The following MXI1 variants were observed in gnomAD, a reference collection of about 807,000 sequenced individuals.
MXI1 encodes the protein MAX interactor 1, dimerization protein.
In MXI1, 18 loss-of-function variants were observed where a neutral mutation model predicts 36.9. That is an observed-to-expected ratio of 0.49 (90% CI 0.34 to 0.72). MXI1 has a LOEUF of 0.72. MXI1 is among the 30% of genes least tolerant of loss of function. MXI1 has a pLI of 0.01. For synonymous variants in MXI1, 160 were observed against 146.7 expected, an observed-to-expected ratio of 1.09 and a Z score of -0.65; for missense variants, 304 against 379.1, an observed-to-expected ratio of 0.80 and a Z score of 1.64.
rs2068052 is a variant in MXI1 at position 110,276,416 on chromosome 10, A to T, written c.438-2764A>T. Among the ~76,000 whole-genome samples, 4 of 152,306 alleles carry T rather than the reference A, an allele frequency of 2.6e-5. No homozygotes were observed. In the South Asian group the frequency reaches 8.3e-4, roughly 32 times the overall value. On this transcript the variant is annotated intron_variant, in intron 3 of 5. Coordinates refer to ENST00000332674, the MANE Select transcript of MXI1 (RefSeq NM_130439.3). Reference sequence around the variant, plus strand: ...TTACCTAGCAAATCCTCACTTTTTCATAGACAAATTCAATATTCTTTAAGT... The same window carrying T: ...TTACCTAGCAAATCCTCACTTTTTCTTAGACAAATTCAATATTCTTTAAGT...
In MXI1 at chr10:110,286,743, A is replaced by G. The variant is rs1344358647; in HGVS notation, c.*1756A>G. Reference sequence around the variant, plus strand: ...TCTTGGTCATACATTACGCCTCAACATATACTTGTGCTCTTCCTTTGCCTC... The same window carrying G: ...TCTTGGTCATACATTACGCCTCAACGTATACTTGTGCTCTTCCTTTGCCTC... On this transcript the variant is annotated 3_prime_UTR_variant, in exon 6 of 6. Transcript: ENST00000332674. 3 of 152,250 alleles carry G rather than the reference A, an allele frequency of 2.0e-5. No homozygotes were observed. The highest frequency in any genetic ancestry group is 4.4e-5 in the Non-Finnish European group (3 of 68,026). 9.4% of individuals were successfully genotyped at this position (152,250 alleles called of 1,614,324 possible).
At position 110,286,167 on chromosome 10, in the gene MXI1, C is replaced by T. The variant is rs1857421609; in HGVS notation, c.*1180C>T. The T allele has an allele frequency of 1.1e-5, 1 of 94,882 alleles. No homozygotes were observed. Among genetic ancestry groups the T allele is most frequent in the South Asian group, 5.2e-4 (1 of 1,938 alleles). The allele number at this position is 94,882 out of a possible 1,614,324, so 5.9% of individuals were successfully genotyped here. ...AACCATCTGATATCTATAGTAGACA[C>T]ACTATCATAGTTAACATAGTAAGTT... On this transcript the variant is annotated 3_prime_UTR_variant, in exon 6 of 6. Transcript: ENST00000332674.
chr10:110,207,848 G>A lies in MXI1; in HGVS notation c.40G>A (p.Glu14Lys), dbSNP rs1310060008. The change falls in exon 1 of 6, where the codon GAG becomes AAG. Residue 14 changes from glutamate (E) to lysine (K), a missense_variant. By Grantham distance (56) the Glu-to-Lys change is moderately conservative (BLOSUM62 1). Transcript: ENST00000332674. ...GCGGCCGCGCAAGGAGGCGCGCTGC[G>A]AGGGCGCGGGGCTGGCCCCCGCCGC... ...RGRPRKEARCEGAGLAPAAPP... is the reference protein window; with the variant it reads ...RGRPRKEARCKGAGLAPAAPP... 8.7e-7 allele frequency: 1 copy of A among 1,151,244 alleles called. No homozygotes were observed. 71.3% of individuals were successfully genotyped at this position (1,151,244 alleles called of 1,614,324 possible). A position where few individuals can be genotyped will look rare whatever the true frequency, so the allele number is the denominator to read the frequency against.
intron 4 of MXI1, 56 bp from the exon 5 acceptor site, chr10:110,279,858 G>A: frequency 7.4e-7 from 1 of 1,349,756 alleles, no homozygotes; most frequent in Non-Finnish European, 1.0e-6. Context: ...GGAGGAATCA[G>A]TTTTATTGTT....
chr10:110,281,103 T>C (rs981762237), intron 5 of MXI1, among the ~76,000 whole-genome samples: 1 of 152,262 alleles, frequency 6.6e-6, no homozygotes, highest in Non-Finnish European at 1.5e-5. Flanking sequence ...TTTTGACTTT[T>C]TTAAGTGGAA....
chr10:110,277,774 C>T (rs1248118842), intron 3 of MXI1, among the ~76,000 whole-genome samples: 1 of 152,156 alleles, frequency 6.6e-6, no homozygotes, highest in Non-Finnish European at 1.5e-5. Context: ...TTAGTAGGTG[C>T]TAGAAGAATC....
intron 1 of MXI1, among the ~76,000 whole-genome samples, chr10:110,218,841 C>T (rs1355955248): frequency 6.6e-6 from 1 of 152,214 alleles, no homozygotes; most frequent in Non-Finnish European, 1.5e-5. Flanking sequence ...CCAAGGGCTT[C>T]TGCCAGGGAA....
intron 1 of MXI1, among the ~76,000 whole-genome samples, chr10:110,212,620 C>G (rs1426460359): frequency 1.3e-5 from 2 of 152,180 alleles, no homozygotes; most frequent in African/African-American, 4.8e-5. Flanking sequence ...GGAGCAGGGC[C>G]CAGCTTGCTA....
Position 110,226,340 on chromosome 10 carries a change from C to A in MXI1, c.275-1849C>A, listed in dbSNP as rs1854966821. 5.7e-6 allele frequency: 8 copies of A among 1,395,664 alleles called. No individual in the cohort carries two copies. In the African/African-American group the frequency reaches 6.2e-5, roughly 11 times the overall value. 86.5% of individuals were successfully genotyped at this position (1,395,664 alleles called of 1,614,324 possible). ...GCGCTACTAATCTTTTTCGGCAGTGCGGTGCGGCCGGTAAGGGAGGGCACG... is the reference window on the plus strand; with the variant it reads ...GCGCTACTAATCTTTTTCGGCAGTGAGGTGCGGCCGGTAAGGGAGGGCACG... On this transcript the variant is annotated intron_variant, in intron 1 of 5. Coordinates refer to ENST00000332674, the MANE Select transcript of MXI1 (RefSeq NM_130439.3).
At chr10:110,245,209 G>A (rs911915718) in intron 3 of MXI1, among the ~76,000 whole-genome samples, 4 of 152,018 alleles carry the variant, frequency 2.6e-5, no homozygotes, top group Non-Finnish European at 5.9e-5. Flanking sequence ...AAATTGGAGG[G>A]CATTGAATTT....
chr10:110,266,161 G>A (rs904595668), intron 3 of MXI1, among the ~76,000 whole-genome samples: 1 of 151,108 alleles, frequency 6.6e-6, no homozygotes, highest in Non-Finnish European at 1.5e-5. Flanking sequence ...AGGCTGGAAT[G>A]CAGTGGCATG....
intron 3 of MXI1, chr10:110,245,627 T>C (rs920376113): frequency 6.6e-6 from 1 of 152,176 alleles, no homozygotes; most frequent in East Asian, 1.9e-4. Context: ...TGAAGAGTCT[T>C]GTCTACCATG....
chr10:110,267,765 C>T (rs1335060650), intron 3 of MXI1, among the ~76,000 whole-genome samples: 1 of 152,120 alleles, frequency 6.6e-6, no homozygotes, highest in African/African-American at 2.4e-5. Flanking sequence ...TCCTTGAAAA[C>T]AGCTGGAATT....
intron 1 of MXI1, among the ~76,000 whole-genome samples, chr10:110,216,684 T>C (rs1854652563): frequency 1.0e-5 from 1 of 97,044 alleles, no homozygotes; most frequent in Non-Finnish European, 1.7e-5. Context: ...TTTTTTTTTT[T>C]TGGAGACAGG....
intron 2 of MXI1, among the ~76,000 whole-genome samples, chr10:110,234,672 A>G (rs919307301): frequency 1.3e-5 from 2 of 152,116 alleles, no homozygotes; most frequent in Non-Finnish European, 2.9e-5. Context: ...AATTGCTGAT[A>G]TTTTCTGTAC....
chr10:110,211,686 G>A (rs1300881163), intron 1 of MXI1, among the ~76,000 whole-genome samples: 2 of 152,206 alleles, frequency 1.3e-5, no homozygotes, highest in Non-Finnish European at 1.5e-5. Flanking sequence ...TTCCAGTGGA[G>A]AGGTTGAGTT....
At position 110,279,244 on chromosome 10, in the gene MXI1, A is replaced by C; in HGVS notation, c.502A>C (p.Thr168Pro). Residue 168 changes from threonine (T) to proline (P), a missense_variant, in exon 4 of 6, where the codon ACC becomes CCC. By Grantham distance (38) the Thr-to-Pro change is conservative. Around this residue, in one of 2 missense-constraint regions of MXI1, gnomAD observed 125 missense variants for 194.3 expected, o/e 0.64. Coordinates refer to ENST00000332674, the MANE Select transcript of MXI1 (RefSeq NM_130439.3). Reference protein sequence around the residue: ...KVLIPLGPDCTRHTTLGLLNK... With the variant: ...KVLIPLGPDCPRHTTLGLLNK... ...TCTGATTCCACTAGGACCAGACTGC[A>C]CCCGGCACACAACACTTGGTTTGCT... 1 of 1,614,220 alleles carries C rather than the reference A, an allele frequency of 6.2e-7. No homozygotes were observed. Among genetic ancestry groups the C allele is most frequent in the Non-Finnish European group, 8.5e-7 (1 of 1,180,040 alleles).
intron 1 of MXI1, among the ~76,000 whole-genome samples, chr10:110,216,665 G>GTTTTTTTTTTTTTTTTTTTTGTT: frequency 1.3e-5 from 1 of 79,060 alleles, no homozygotes; most frequent in Non-Finnish European, 2.0e-5. Flanking sequence ...TGTGTTTAAT[G>GTTTTTTTTTTTTTTTTTTTTGTT]TTTTTTTTTT....
intron 1 of MXI1, chr10:110,210,217 G>C: frequency 1.0e-6 from 1 of 983,678 alleles, no homozygotes; most frequent in Non-Finnish European, 1.2e-6. Flanking sequence ...AAGCCGAGGG[G>C]CTTCCTCCCA....
Sources: allele counts gnomAD v4.1 joint callset (sites outside exome capture counted in the v4.1 genomes callset), GRCh38; gene constraint gnomAD v4.1.1; regional missense constraint gnomAD v4.1.1; transcripts MANE v1.5; gene names NCBI Gene and HGNC (gene_info 2026-07-23, HGNC 2026-07-21).